GAS2: variants seen among roughly 807,000 people sequenced by gnomAD.
GAS2 encodes the protein growth arrest-specific protein 2.
GAS2 carries 20 observed loss-of-function variants against 37.5 expected under a neutral mutation model. The observed-to-expected ratio is 0.53, with a 90% CI of 0.37 to 0.77. GAS2 has a LOEUF of 0.77. Among genes scored for constraint, GAS2 ranks in the 30% least tolerant of loss-of-function variants. The probability of loss-of-function intolerance (pLI) is 0.00; values close to 1 mark genes in which losing one functional copy is unlikely to be tolerated. For missense variants in GAS2, 336 were observed against 373.4 expected (o/e 0.90, Z 0.82); for synonymous variants, 144 against 132.2 (o/e 1.09, Z -0.61).
At chr11:22,638,119 C>T (rs1858862258) in intron 1 of GAS2, among the ~76,000 whole-genome samples, 1 of 151,970 alleles carries the variant, frequency 6.6e-6, no homozygotes. Context: ...TACATCTTCC[C>T]ATGTCTTCTC....
intron 1 of GAS2, among the ~76,000 whole-genome samples, chr11:22,648,436 A>G (rs1848731226): frequency 6.6e-6 from 1 of 152,160 alleles, no homozygotes; most frequent in Non-Finnish European, 1.5e-5. Flanking sequence ...TGAACTTTAA[A>G]GTAGTTTTTT....
intron 3 of GAS2, among the ~76,000 whole-genome samples, chr11:22,712,555 G>A (rs1053446984): frequency 1.3e-5 from 2 of 152,272 alleles, no homozygotes; most frequent in East Asian, 1.9e-4. Flanking sequence ...GAACAGCAGC[G>A]CTTGAGTTCC....
At chr11:22,669,336 T>TA (rs546647300) in intron 1 of GAS2, among the ~76,000 whole-genome samples, 6 of 152,164 alleles carry the variant, frequency 3.9e-5, no homozygotes, top group South Asian at 4.1e-4. Context: ...TGGTAGGGGT[T>TA]AAAAAAACCT....
chr11:22,702,874 T>A (rs1458161597), intron 3 of GAS2, among the ~76,000 whole-genome samples: 1 of 152,190 alleles, frequency 6.6e-6, no homozygotes, highest in East Asian at 1.9e-4. Flanking sequence ...CCTAGAAATT[T>A]GTCTAGATTC....
At chr11:22,637,317 A>G (rs1416315541) in intron 1 of GAS2, among the ~76,000 whole-genome samples, 1 of 102,874 alleles carries the variant, frequency 9.7e-6, no homozygotes, top group Non-Finnish European at 1.7e-5. Context: ...ATAGTATACT[A>G]ATATAATATT....
At chr11:22,753,248 T>C (rs1414997976) in intron 6 of GAS2, among the ~76,000 whole-genome samples, 2 of 152,046 alleles carry the variant, frequency 1.3e-5, no homozygotes, top group African/African-American at 4.8e-5. Flanking sequence ...CATCAGTCAC[T>C]GTTTACTTAA....
chr11:22,636,034 G>A (rs1858816955), intron 1 of GAS2, among the ~76,000 whole-genome samples: 1 of 152,140 alleles, frequency 6.6e-6, no homozygotes, highest in Non-Finnish European at 1.5e-5. Flanking sequence ...ACACTCTGGG[G>A]ACTCAGTTTT....
At chr11:22,790,106 G>C (rs1856069940) in intron 7 of GAS2, among the ~76,000 whole-genome samples, 1 of 152,024 alleles carries the variant, frequency 6.6e-6, no homozygotes, top group Non-Finnish European at 1.5e-5. Context: ...ACAGCCAATG[G>C]CATGATCTCC....
chr11:22,708,868 G>A (rs1006317125), intron 3 of GAS2, among the ~76,000 whole-genome samples: 3 of 152,136 alleles, frequency 2.0e-5, no homozygotes, highest in Non-Finnish European at 4.4e-5. Context: ...GAAGTGTAAG[G>A]GGTGGGACTT....
At chr11:22,698,960 A>C (rs183433066) in intron 3 of GAS2, among the ~76,000 whole-genome samples, 2 of 152,298 alleles carry the variant, frequency 1.3e-5, no homozygotes, top group East Asian at 3.9e-4. Context: ...TAAAATGTTT[A>C]ATTCCATATC....
intron 7 of GAS2, among the ~76,000 whole-genome samples, chr11:22,783,869 C>A (rs1274661264): frequency 6.6e-6 from 1 of 152,160 alleles, no homozygotes; most frequent in Non-Finnish European, 1.5e-5. Context: ...GTATGCTTAG[C>A]CAGCCATCCA....
At chr11:22,749,695 A>G (rs1055560369) in intron 6 of GAS2, among the ~76,000 whole-genome samples, 4 of 152,046 alleles carry the variant, frequency 2.6e-5, no homozygotes, top group Non-Finnish European at 5.9e-5. Flanking sequence ...CTCATATATG[A>G]AAGGCAGGTT....
rs1401494754 is a variant in GAS2 at position 22,650,723 on chromosome 11, A to G, written c.-20-24127A>G. Reference sequence around the variant, plus strand: ...TTGTTGGTTTAAAGTCTGTTTTGTCAGAGACTAGAATTGCAACCCCTGCCT... The same window carrying G: ...TTGTTGGTTTAAAGTCTGTTTTGTCGGAGACTAGAATTGCAACCCCTGCCT... On this transcript the variant is annotated intron_variant, in intron 1 of 5. Transcript: ENST00000528582. Among the ~76,000 whole-genome samples the G allele has an allele frequency of 5.9e-5, 9 of 152,062 alleles. No homozygotes were observed. In the East Asian group the frequency reaches 1.2e-3, roughly 20 times the overall value.
intron 7 of GAS2, among the ~76,000 whole-genome samples, chr11:22,790,833 T>C (rs537444747): frequency 6.6e-6 from 1 of 152,110 alleles, no homozygotes; most frequent in East Asian, 1.9e-4. Context: ...TATAGATAGA[T>C]AATATAGATT....
At chr11:22,696,170 C>A (rs942005073) in intron 3 of GAS2, among the ~76,000 whole-genome samples, 1 of 149,154 alleles carries the variant, frequency 6.7e-6, no homozygotes, top group African/African-American at 2.5e-5. Context: ...TCAGTTCCCA[C>A]CTATGAGTGA....
chr11:22,749,987 A>C lies in GAS2; in HGVS notation c.615+726A>C, dbSNP rs181544675. Among the ~76,000 whole-genome samples the C allele has an allele frequency of 2.2e-4, 34 of 152,220 alleles. No individual in the cohort carries two copies. In the East Asian group the frequency reaches 6.6e-3, roughly 29 times the overall value. On this transcript the variant is annotated intron_variant, in intron 6 of 7. Transcript: ENST00000454584. Reference sequence around the variant, plus strand: ...AGTGTGCTTGAGTATGTGTGTGCATATGCCCTCCACATATATTTTAAGTGC... The same window carrying C: ...AGTGTGCTTGAGTATGTGTGTGCATCTGCCCTCCACATATATTTTAAGTGC...
chr11:22,723,053 T>A (rs1021656386), intron 3 of GAS2, among the ~76,000 whole-genome samples: 7 of 151,846 alleles, frequency 4.6e-5, no homozygotes, highest in African/African-American at 1.4e-4. Context: ...TTGATAGGAC[T>A]AATGAGTGTG....
At chr11:22,639,569 C>T (rs546588011) in intron 1 of GAS2, among the ~76,000 whole-genome samples, 39 of 152,154 alleles carry the variant, frequency 2.6e-4, no homozygotes, top group African/African-American at 6.0e-4. Context: ...AGGGGAAAAT[C>T]GTCAAATGAA....
chr11:22,743,677 G>A (rs1853218640), intron 5 of GAS2, among the ~76,000 whole-genome samples: 1 of 152,008 alleles, frequency 6.6e-6, no homozygotes, highest in Admixed American at 6.6e-5. Context: ...TTTTCTGATG[G>A]AAAATAGACT....
Sources: allele counts gnomAD v4.1 joint callset (sites outside exome capture counted in the v4.1 genomes callset), GRCh38; gene constraint gnomAD v4.1.1; transcripts MANE v1.5; gene names NCBI Gene and HGNC (gene_info 2026-07-23, HGNC 2026-07-21).